Variants in MUC12 observed in about 807,000 individuals in gnomAD.
The protein encoded by MUC12 is mucin-12.
Under a neutral mutation model 230.8 loss-of-function variants are expected in MUC12, and 172 were observed. That is an observed-to-expected ratio of 0.75 (90% CI 0.66 to 0.85). The LOEUF is 0.85. MUC12 is among the 40% of genes least tolerant of loss of function. MUC12 has a pLI of 0.00. For missense variants in MUC12, 3,506 were observed against 5,920.6 expected (o/e 0.59, Z 13.38); for synonymous variants, 1,259 against 2,401.9 (o/e 0.52, Z 13.91).
At chr7:100,976,635 T>C (rs922002255) in intron 1 of MUC12, among the ~76,000 whole-genome samples, 4 of 151,624 alleles carry the variant, frequency 2.6e-5, no homozygotes, top group African/African-American at 9.7e-5. Context: ...TCATTGAGGG[T>C]TTGCTATGTG....
chr7:100,993,491 A>G lies in MUC12; in HGVS notation c.2928A>G (p.Thr976=), dbSNP rs201938562. The part of the protein sequence containing the change: ...VHSSTGSPRT[T]LSPASSTSPG... ...GCAGCACTGGCTCACCACGCACAAC[A>G]CTGTCCCCTGCCAGCTCCACAAGCC... is the stretch of plus-strand genomic sequence containing the variant. Residue 976 remains threonine, a synonymous_variant, in exon 2 of 12, where the codon ACA becomes ACG. Transcript: ENST00000536621. The G allele has an allele frequency of 2.5e-4, 253 of 1,018,188 alleles. 64 individuals carry two copies. The highest frequency in any genetic ancestry group is 3.9e-4 in the East Asian group (10 of 25,604). 63.1% of individuals were successfully genotyped at this position (1,018,188 alleles called of 1,614,324 possible). A position where few individuals can be genotyped will look rare whatever the true frequency, so the allele number is the denominator to read the frequency against.
At chr7:101,009,854 A>G (rs1242458234) in intron 5 of MUC12, among the ~76,000 whole-genome samples, 2 of 152,110 alleles carry the variant, frequency 1.3e-5, no homozygotes, top group Non-Finnish European at 2.9e-5. Context: ...GGTGCTTAAG[A>G]GCAAAGGAGC....
Position 101,015,535 on chromosome 7 carries a change from AG to A in MUC12, c.15801-77del. On this transcript the variant is annotated intron_variant, in intron 9 of 11. Transcript: ENST00000536621. The stretch of plus-strand genomic sequence containing the variant: ...GGGTGTGGCTGTGACTGTCCCCTCG[AG>A]GGAAGCTGAAGGTCAGGGTCCACCA... The A allele has an allele frequency of 6.5e-6, 8 of 1,239,766 alleles. No individual in the cohort carries two copies. The South Asian group carries it at 1.1e-4, about 16-fold the overall frequency. The allele number at this position is 1,239,766 out of a possible 1,614,324, so 76.8% of individuals were successfully genotyped here.
intron 1 of MUC12, among the ~76,000 whole-genome samples, chr7:100,987,060 G>GTT (rs1176844989): frequency 0.017 from 1,550 of 91,318 alleles, 27 homozygotes; most frequent in Admixed American, 0.022. Flanking sequence ...CAAGATAATG[G>GTT]TTTTTTTTTT....
chr7:100,998,130 G>T lies in MUC12; in HGVS notation c.7567G>T (p.Val2523Phe). 6.9e-7 allele frequency: 1 copy of T among 1,444,648 alleles called. No individual in the cohort carries two copies. Among genetic ancestry groups the T allele is most frequent in the Non-Finnish European group, 9.3e-7 (1 of 1,069,834 alleles). The allele number at this position is 1,444,648 out of a possible 1,614,324, so 89.5% of individuals were successfully genotyped here. A position where few individuals can be genotyped will look rare whatever the true frequency, so the allele number is the denominator to read the frequency against. ...AGGCATCGTTGAAGCATCTACACGC[G>T]TCCACAGCAGCACTGGCTCACCACG... The part of the protein sequence containing the change: ...SSGIVEASTR[V>F]HSSTGSPRTT... Residue 2523 changes from valine (V) to phenylalanine (F), a missense_variant, in exon 2 of 12, where the codon GTC becomes TTC. By Grantham distance (50) the Val-to-Phe change is conservative (BLOSUM62 -1). Transcript: ENST00000536621.
In MUC12 at chr7:100,991,098, G is replaced by GCGTT; in HGVS notation, c.537_540dup (p.Pro181ValfsTer3). On this transcript the variant is annotated frameshift_variant, in exon 2 of 12. Coordinates refer to ENST00000536621, the MANE Select transcript of MUC12 (RefSeq NM_001164462.2). LOFTEE classifies it high-confidence loss of function. ...CCGACCAGGCCCAACGCACACAATA[G>GCGTT]CGTTCCCTGACAGTACCACCATGCC... 1 of 1,537,456 alleles carries GCGTT rather than the reference G, an allele frequency of 6.5e-7. No individual in the cohort carries two copies. The highest frequency in any genetic ancestry group is 8.7e-7 in the Non-Finnish European group (1 of 1,146,814).
In MUC12 at chr7:100,995,966, C is replaced by G; in HGVS notation, c.5403C>G (p.His1801Gln). The G allele has an allele frequency of 1.1e-6, 1 of 912,640 alleles. No individual in the cohort carries two copies. Among genetic ancestry groups the G allele is most frequent in the Non-Finnish European group, 1.6e-6 (1 of 637,440 alleles). The allele number at this position is 912,640 out of a possible 1,614,324, so 56.5% of individuals were successfully genotyped here. A position where few individuals can be genotyped will look rare whatever the true frequency, so the allele number is the denominator to read the frequency against. The change falls in exon 2 of 12, where the codon CAC becomes CAG. Residue 1801 changes from histidine to glutamine, a missense_variant. Coordinates refer to ENST00000536621, the MANE Select transcript of MUC12 (RefSeq NM_001164462.2). The stretch of plus-strand genomic sequence containing the variant: ...GTAGTGAAGAATCAAGAACTTCCCA[C>G]AGCAGCACAACACACACAATATCTT... ...SGRSEESRTS[H>Q]SSTTHTISSP...
intron 1 of MUC12, among the ~76,000 whole-genome samples, chr7:100,987,166 A>G (rs1793203973): frequency 6.7e-6 from 1 of 148,172 alleles, no homozygotes; most frequent in South Asian, 2.1e-4. Flanking sequence ...TCCCTGGTTC[A>G]AGCGACTCTC....
chr7:100,975,258 G>A (rs1261808113), intron 1 of MUC12, among the ~76,000 whole-genome samples: 1 of 152,310 alleles, frequency 6.6e-6, no homozygotes, highest in Non-Finnish European at 1.5e-5. Flanking sequence ...AAGGGTCGAG[G>A]AGGGGATGGG....
At chr7:100,979,223 T>C (rs1281810285) in intron 1 of MUC12, among the ~76,000 whole-genome samples, 1 of 152,178 alleles carries the variant, frequency 6.6e-6, no homozygotes, top group Non-Finnish European at 1.5e-5. Context: ...ATGTCATTAC[T>C]CTCACAGAGA....
At chr7:100,988,289 GAAAAAAAAAAA>G (rs1167163725) in intron 1 of MUC12, among the ~76,000 whole-genome samples, 2 of 78,732 alleles carry the variant, frequency 2.5e-5, no homozygotes, top group Non-Finnish European at 5.2e-5. Flanking sequence ...GGCTGTCCCA[GAAAAAAAAAAA>G]AAAAAAAAAA....
rs111660528 is a variant in MUC12 at position 101,004,371 on chromosome 7, C to G, written c.13808C>G (p.Thr4603Arg). The G allele has an allele frequency of 1.4e-6, 2 of 1,404,840 alleles. No homozygotes were observed. Among genetic ancestry groups the G allele is most frequent in the South Asian group, 1.3e-5 (1 of 74,950 alleles). The allele number at this position is 1,404,840 out of a possible 1,614,324, so 87.0% of individuals were successfully genotyped here. A position where few individuals can be genotyped will look rare whatever the true frequency, so the allele number is the denominator to read the frequency against. Reference protein sequence around the residue: ...STTSGLVEESTAYHSSPGSTQ... With the variant: ...STTSGLVEESRAYHSSPGSTQ... ...ACCTCAGGCCTCGTTGAAGAATCTA[C>G]GGCGTACCACAGCAGCCCGGGCTCA... Residue 4603 changes from threonine (T) to arginine (R), a missense_variant, in exon 2 of 12, where the codon ACG (threonine) becomes AGG (arginine). Thr to Arg is a moderately conservative substitution (Grantham distance 71, BLOSUM62 -1). Transcript: ENST00000536621.
At chr7:101,014,302 C>T in intron 9 of MUC12, 1 of 427,784 alleles carries the variant, frequency 2.3e-6, no homozygotes, top group Non-Finnish European at 4.1e-6. Context: ...GCTATTATAA[C>T]AGAATACCAC....
At position 101,014,027 on chromosome 7, in the gene MUC12, G is replaced by C; in HGVS notation, c.15753G>C (p.Leu5251Phe). Reference protein sequence around the residue: ...GAVMAVLLLALIILIILFSLS... With the variant: ...GAVMAVLLLAFIILIILFSLS... ...TGATGGCGGTGCTGCTGCTCGCATT[G>C]ATCATCCTAATCATCTTATTCAGCC... The change falls in exon 9 of 12, where the codon TTG becomes TTC. Residue 5251 changes from leucine (L) to phenylalanine (F), a missense_variant. By Grantham distance (22) the Leu-to-Phe change is conservative. Transcript: ENST00000536621. The C allele has an allele frequency of 2.0e-6, 3 of 1,536,922 alleles. No individual in the cohort carries two copies. The highest frequency in any genetic ancestry group is 1.2e-5 in the South Asian group (1 of 83,978).
intron 1 of MUC12, among the ~76,000 whole-genome samples, chr7:100,980,614 G>A (rs1307714837): frequency 6.6e-6 from 1 of 152,072 alleles, no homozygotes; most frequent in Non-Finnish European, 1.5e-5. Context: ...TGAATAACTA[G>A]GAATGTCATC....
At chr7:101,017,210 T>C in intron 10 of MUC12, 1 of 195,410 alleles carries the variant, frequency 5.1e-6, no homozygotes, top group Admixed American at 5.8e-5. Flanking sequence ...CTGCTATGGT[T>C]ACCGTTGCTA....
At position 101,018,681 on chromosome 7, in the gene MUC12, C is replaced by T. The variant is rs1562797363; in HGVS notation, c.*45C>T. ...CCTCATCTAGCTCTGTTCAGGAGAG[C>T]TGCAAACACAGAGCCCACCACAAGC... On this transcript the variant is annotated 3_prime_UTR_variant, in exon 12 of 12. Coordinates refer to ENST00000536621, the MANE Select transcript of MUC12 (RefSeq NM_001164462.2). 2.6e-6 allele frequency: 4 copies of T among 1,514,380 alleles called. No homozygotes were observed. The South Asian group carries it at 4.9e-5, about 18-fold the overall frequency. 93.8% of individuals were successfully genotyped at this position (1,514,380 alleles called of 1,614,324 possible).
rs1265119592 is a variant in MUC12, at chr7:100,995,551, T to A, written c.4988T>A (p.Val1663Asp). 1.3e-6 allele frequency: 2 copies of A among 1,535,356 alleles called. No homozygotes were observed. Among genetic ancestry groups the A allele is most frequent in the East Asian group, 4.9e-5 (2 of 40,842 alleles). The change falls in exon 2 of 12, where the codon GTC (valine) becomes GAC (aspartate). Residue 1663 changes from valine (V) to aspartate (D), a missense_variant. Transcript: ENST00000536621. ...GGCCTCCTTGAAGCATCTACGCCCG[T>A]CCACAGCAGCACTGGATCGCCACAC... ...ASGLLEASTPVHSSTGSPHTT... is the reference protein window; with the variant it reads ...ASGLLEASTPDHSSTGSPHTT...
rs1793333499 is a variant in MUC12, at chr7:100,992,200, G to C, written c.1637G>C (p.Ser546Thr). 6.5e-7 allele frequency: 1 copy of C among 1,537,912 alleles called. No homozygotes were observed. The highest frequency in any genetic ancestry group is 8.7e-7 in the Non-Finnish European group (1 of 1,147,066). The part of the protein sequence containing the change: ...FPGSTTMPGL[S>T]QESTASHSSP... ...GGCAGTACCACCATGCCAGGCCTCA[G>C]TCAGGAATCTACAGCTTCCCACAGC... The change falls in exon 2 of 12, where the codon AGT (serine) becomes ACT (threonine). Residue 546 changes from serine (S) to threonine (T), a missense_variant. By Grantham distance (58) the Ser-to-Thr change is moderately conservative (BLOSUM62 1). Coordinates refer to ENST00000536621, the MANE Select transcript of MUC12 (RefSeq NM_001164462.2).
Sources: gnomAD v4.1 joint callset for allele counts (sites outside exome capture counted in the v4.1 genomes callset) on GRCh38, gnomAD v4.1.1 for gene constraint, MANE v1.5 for transcripts, NCBI Gene and HGNC (gene_info 2026-07-23, HGNC 2026-07-21) for gene names.